Variants in ZNF451 observed in about 807,000 individuals in gnomAD.
ZNF451 encodes E3 SUMO-protein ligase ZNF451.
In ZNF451, 80 loss-of-function variants were observed where a neutral mutation model predicts 107.1. The ratio of observed to expected loss-of-function variants is 0.75; its 90% CI spans 0.62 to 0.90. ZNF451 has a LOEUF of 0.90. Ranked by LOEUF, ZNF451 falls within the 40% of genes least tolerant of loss-of-function variation. The pLI is 0.00. For synonymous variants in ZNF451, 362 were observed against 406.5 expected (o/e 0.89, Z 1.32); for missense variants, 1,107 against 1,236.2 (o/e 0.90, Z 1.57).
Position 57,154,042 on chromosome 6 carries a change from C to T in ZNF451, c.3065C>T (p.Thr1022Ile). 1.2e-6 allele frequency: 2 copies of T among 1,614,118 alleles called. No homozygotes were observed. The highest frequency in any genetic ancestry group is 8.5e-7 in the Non-Finnish European group (1 of 1,180,032). The change falls in exon 13 of 15, where the codon ACC becomes ATC. Residue 1022 changes from threonine (T) to isoleucine (I), a missense_variant. Physicochemically the swap from Thr to Ile is moderately conservative, Grantham distance 89. Transcript: ENST00000370706. ...TTGTTAAATAGCATATCTGATACCA[C>T]CAAAGGTACGCAGCTGCAGTCACAG... ...CALLNSISDT[T>I]KECDSDDNMG...
intron 3 of ZNF451, chr6:57,105,669 A>T: frequency 1.0e-6 from 1 of 985,346 alleles, no homozygotes; most frequent in African/African-American, 1.7e-5. Context: ...GGGGGGCCTT[A>T]AGGCAGCTTT....
chr6:57,157,826 G>GCATCA (rs1763501528), intron 13 of ZNF451, among the ~76,000 whole-genome samples: 1 of 152,142 alleles, frequency 6.6e-6, no homozygotes, highest in East Asian at 1.9e-4. Flanking sequence ...TCATGTTTCA[G>GCATCA]AGATGCAGAT....
rs1168633668 is a variant in ZNF451 at position 57,138,729 on chromosome 6, A to ATGTGTGTG, written c.703-2572_703-2571insGTGTGTGT. Reference sequence around the variant, plus strand: ...CATATATATATATATATATATATATATATATATATATATGTGTGTGTGTGT... The same window carrying ATGTGTGTG: ...CATATATATATATATATATATATATATGTGTGTGTATATATATATATGTGTGTGTGTGT... On this transcript the variant is annotated intron_variant, in intron 7 of 14. Coordinates refer to ENST00000370706, the MANE Select transcript of ZNF451 (RefSeq NM_001031623.3). Among the ~76,000 whole-genome samples, 151 of 113,726 alleles carry ATGTGTGTG rather than the reference A, an allele frequency of 1.3e-3. 1 individual carries two copies. The highest frequency in any genetic ancestry group is 2.1e-3 in the African/African-American group (64 of 30,648). 74.6% of individuals were successfully genotyped at this position (113,726 alleles called of 152,430 possible). A position where few individuals can be genotyped will look rare whatever the true frequency, so the allele number is the denominator to read the frequency against.
chr6:57,143,028 G>A (rs1406502882), intron 9 of ZNF451, among the ~76,000 whole-genome samples: 2 of 151,978 alleles, frequency 1.3e-5, no homozygotes, highest in Non-Finnish European at 2.9e-5. Flanking sequence ...TGGATTGTTT[G>A]CCTTCTTAAT....
intron 3 of ZNF451, chr6:57,106,237 A>G: frequency 1.0e-6 from 1 of 984,328 alleles, no homozygotes; most frequent in Non-Finnish European, 1.2e-6. Flanking sequence ...GTTGACTGGG[A>G]TTCTGATGAA....
In ZNF451 at chr6:57,103,132, A is replaced by G. The variant is rs151239706; in HGVS notation, c.186+3991A>G. 1.3e-3 allele frequency: 1,297 copies of G among 985,438 alleles called. 10 individuals are homozygous for G. The African/African-American group carries it at 0.017, about 13-fold the overall frequency. 61.0% of individuals were successfully genotyped at this position (985,438 alleles called of 1,614,324 possible). On this transcript the variant is annotated intron_variant, in intron 3 of 14. Transcript: ENST00000370706. Reference sequence around the variant, plus strand: ...GATGTTACACGATCCAGGCATGCAAATCTGAACTCCTAAGACCAAGAATTC... The same window carrying G: ...GATGTTACACGATCCAGGCATGCAAGTCTGAACTCCTAAGACCAAGAATTC...
chr6:57,103,659 G>A, intron 3 of ZNF451: 3 of 985,274 alleles, frequency 3.0e-6, no homozygotes, highest in Non-Finnish European at 3.6e-6. Flanking sequence ...TGTTTTTATT[G>A]ACAGACTTAA....
Position 57,092,617 on chromosome 6 carries a change from T to G in ZNF451, c.105+1723T>G, listed in dbSNP as rs548489935. Among the ~76,000 whole-genome samples the G allele has an allele frequency of 1.3e-4, 20 of 152,340 alleles. No individual in the cohort carries two copies. The South Asian group carries it at 3.9e-3, about 30-fold the overall frequency. Reference sequence around the variant, plus strand: ...ATATTCAGAGACAGAATCTTTACTTTTCTCTGGAATCCAATCCTATATGTG... The same window carrying G: ...ATATTCAGAGACAGAATCTTTACTTGTCTCTGGAATCCAATCCTATATGTG... On this transcript the variant is annotated intron_variant, in intron 2 of 14. Transcript: ENST00000370706.
intron 2 of ZNF451, among the ~76,000 whole-genome samples, chr6:57,096,089 G>A (rs956255778): frequency 1.3e-5 from 2 of 151,376 alleles, no homozygotes; most frequent in East Asian, 1.9e-4. Context: ...CTCCCAAAGT[G>A]CTGAGATTAC....
chr6:57,130,698 G>A (rs1476391213), intron 5 of ZNF451, among the ~76,000 whole-genome samples: 2 of 152,136 alleles, frequency 1.3e-5, no homozygotes, highest in Admixed American at 6.5e-5. Context: ...ATTGTAAAAT[G>A]AATCTTGAGC....
At chr6:57,158,994 G>A in intron 13 of ZNF451, 1 of 985,226 alleles carries the variant, frequency 1.0e-6, no homozygotes, top group Non-Finnish European at 1.2e-6. Context: ...ATGGCCTGTG[G>A]ACTAGGCATT....
At chr6:57,161,675 T>A (rs1763679109) in intron 14 of ZNF451, among the ~76,000 whole-genome samples, 1 of 152,090 alleles carries the variant, frequency 6.6e-6, no homozygotes. Context: ...TAAAAATAAA[T>A]TTTAAAAGGG....
chr6:57,135,828 T>A (rs1384180250), intron 7 of ZNF451, among the ~76,000 whole-genome samples: 2 of 152,188 alleles, frequency 1.3e-5, no homozygotes, highest in Non-Finnish European at 2.9e-5. Context: ...GATATTTGAG[T>A]AAATATCAAA....
At chr6:57,113,630 T>C (rs939565540) in intron 3 of ZNF451, among the ~76,000 whole-genome samples, 18 of 150,666 alleles carry the variant, frequency 1.2e-4, no homozygotes, top group African/African-American at 4.4e-4. Context: ...ATTTTTTTTT[T>C]TTTTTTTTTG....
intron 3 of ZNF451, among the ~76,000 whole-genome samples, chr6:57,100,230 G>A (rs974250459): frequency 6.6e-6 from 1 of 152,086 alleles, no homozygotes; most frequent in Admixed American, 6.5e-5. Context: ...TGCATATCTT[G>A]AGTAGAACTT....
At position 57,159,395 on chromosome 6, in the gene ZNF451, G is replaced by T. The variant is rs181127969; in HGVS notation, c.3071-1689G>T. The T allele has an allele frequency of 6.6e-5, 65 of 985,310 alleles. No homozygotes were observed. The African/African-American group carries it at 9.2e-4, about 14-fold the overall frequency. The allele number at this position is 985,310 out of a possible 1,614,324, so 61.0% of individuals were successfully genotyped here. A position where few individuals can be genotyped will look rare whatever the true frequency, so the allele number is the denominator to read the frequency against. ...AAATTGTAATAACAGAAAGCTGTGG[G>T]TATTTTCCTTTTGTTCTTAATGTTT... On this transcript the variant is annotated intron_variant, in intron 13 of 14. Coordinates refer to ENST00000370706, the MANE Select transcript of ZNF451 (RefSeq NM_001031623.3).
chr6:57,102,155 C>T, intron 3 of ZNF451: 1 of 1,447,694 alleles, frequency 6.9e-7, no homozygotes, highest in Non-Finnish European at 9.0e-7. Flanking sequence ...TTACTTGTTC[C>T]TCCTTGTACA....
chr6:57,141,183 G>A, intron 7 of ZNF451, 119 bp from the exon 8 acceptor site: 1 of 791,498 alleles, frequency 1.3e-6, no homozygotes, highest in South Asian at 4.4e-5. Flanking sequence ...CATCTTTCAT[G>A]TTAAAAATTG....
chr6:57,157,707 A>G (rs1404320942), intron 13 of ZNF451, among the ~76,000 whole-genome samples: 1 of 152,146 alleles, frequency 6.6e-6, no homozygotes, highest in Non-Finnish European at 1.5e-5. Flanking sequence ...CTTTCTTAAC[A>G]CTTAAGATAC....
Sources: gnomAD v4.1 joint callset for allele counts (sites outside exome capture counted in the v4.1 genomes callset) on GRCh38, gnomAD v4.1.1 for gene constraint, MANE v1.5 for transcripts, NCBI Gene and HGNC (gene_info 2026-07-23, HGNC 2026-07-21) for gene names.